ALKBH3: variants seen among roughly 807,000 people sequenced by gnomAD.
ALKBH3 encodes alkB homolog 3, alpha-ketoglutarate dependent dioxygenase.
In ALKBH3, 51 loss-of-function variants were observed where a neutral mutation model predicts 43.9. The ratio of observed to expected loss-of-function variants is 1.16; its 90% CI spans 0.93 to 1.47. The LOEUF is 1.47. Ranked by LOEUF, ALKBH3 falls within the 40% of genes most tolerant of loss-of-function variation. The pLI is 0.00. For missense variants in ALKBH3, 361 were observed against 351.9 expected (o/e 1.03, Z -0.21); for synonymous variants, 102 against 115.2 (o/e 0.89, Z 0.73).
At chr11:43,901,107 G>C (rs1951860559) in intron 7 of ALKBH3, among the ~76,000 whole-genome samples, 1 of 152,178 alleles carries the variant, frequency 6.6e-6, no homozygotes, top group Non-Finnish European at 1.5e-5. Context: ...GCTTCAGTCT[G>C]GGTCTGCTGA....
chr11:43,884,167 A>C, intron 4 of ALKBH3, 150 bp downstream of exon 4: 2 of 949,494 alleles, frequency 2.1e-6, no homozygotes, highest in Non-Finnish European at 3.2e-6. Context: ...ATGTCTTTAA[A>C]CTTGATCTTT....
chr11:43,906,479 C>A (rs927726166), intron 8 of ALKBH3, among the ~76,000 whole-genome samples: 1 of 152,156 alleles, frequency 6.6e-6, no homozygotes, highest in Non-Finnish European at 1.5e-5. Context: ...CCAGCAGCCC[C>A]GCTGCTGCTA....
At chr11:43,918,968 C>A in intron 8 of ALKBH3, 70 bp from the exon 9 acceptor site, 3 of 1,241,144 alleles carry the variant, frequency 2.4e-6, no homozygotes, top group Non-Finnish European at 2.3e-6. Context: ...TTTTTTTTGA[C>A]CTCTGTCAGG....
At chr11:43,918,847 A>G in intron 8 of ALKBH3, 191 bp from the exon 9 acceptor site, 1 of 538,720 alleles carries the variant, frequency 1.9e-6, no homozygotes, top group Non-Finnish European at 3.3e-6. Context: ...CATTTTACAA[A>G]TGAGTAAGTC....
chr11:43,887,305 T>C (rs1951753057), intron 5 of ALKBH3, among the ~76,000 whole-genome samples: 2 of 152,082 alleles, frequency 1.3e-5, no homozygotes, highest in South Asian at 4.1e-4. Flanking sequence ...CCTAGGAAGA[T>C]TGAATATTTT....
intron 9 of ALKBH3, among the ~76,000 whole-genome samples, 184 bp downstream of exon 9, chr11:43,919,320 C>T (rs1461247716): frequency 6.6e-6 from 1 of 152,142 alleles, no homozygotes; most frequent in East Asian, 1.9e-4. Context: ...CTAGTGTGTC[C>T]GGTAGAACTT....
intron 1 of ALKBH3, among the ~76,000 whole-genome samples, chr11:43,881,787 A>C (rs972399832): frequency 8.5e-5 from 13 of 152,222 alleles, no homozygotes; most frequent in African/African-American, 2.9e-4. Flanking sequence ...TGAGGTGTGA[A>C]GCTTTCTTAG....
intron 8 of ALKBH3, among the ~76,000 whole-genome samples, chr11:43,915,504 C>G (rs900232551): frequency 3.9e-5 from 6 of 152,118 alleles, no homozygotes; most frequent in African/African-American, 1.4e-4. Context: ...CAAAAATCTG[C>G]TTGCAGCAGC....
rs1952005689 is a variant in ALKBH3 at position 43,919,029 on chromosome 11, G to A, written c.670-9G>A. 1.3e-6 allele frequency: 2 copies of A among 1,593,148 alleles called. No individual in the cohort carries two copies. The highest frequency in any genetic ancestry group is 1.7e-6 in the Non-Finnish European group (2 of 1,161,300). On this transcript the variant is annotated splice_polypyrimidine_tract_variant and intron_variant, in intron 8 of 9. Coordinates refer to ENST00000302708, the MANE Select transcript of ALKBH3 (RefSeq NM_139178.4). ...CAAAACATTTATTACAACAAATGCT[G>A]TTTTCTAGGAAGAGAATGGAGACTA...
chr11:43,895,501 T>G (rs772442027), intron 7 of ALKBH3, among the ~76,000 whole-genome samples: 1 of 152,190 alleles, frequency 6.6e-6, no homozygotes, highest in African/African-American at 2.4e-5. Flanking sequence ...ATTGAACCTC[T>G]TTTTGTTGGT....
chr11:43,897,570 A>G (rs749083050), intron 7 of ALKBH3: 4 of 787,244 alleles, frequency 5.1e-6, no homozygotes, highest in Non-Finnish European at 2.3e-6. Flanking sequence ...ATTCATGGGC[A>G]GTGACACTGT....
intron 3 of ALKBH3, 132 bp from the exon 4 acceptor site, chr11:43,883,851 G>A (rs1951730391): frequency 9.8e-7 from 1 of 1,021,970 alleles, no homozygotes; most frequent in Non-Finnish European, 1.5e-6. Flanking sequence ...TCTCTAGTGG[G>A]TTAGTGAGAA....
intron 6 of ALKBH3, among the ~76,000 whole-genome samples, chr11:43,891,701 C>T (rs527897731): frequency 1.1e-3 from 171 of 152,302 alleles, no homozygotes; most frequent in Middle Eastern, 6.8e-3. Flanking sequence ...GGTTCAGTCT[C>T]CATATTCTGC....
chr11:43,918,436 T>G (rs1388653940), intron 8 of ALKBH3, among the ~76,000 whole-genome samples: 1 of 152,238 alleles, frequency 6.6e-6, no homozygotes, highest in Non-Finnish European at 1.5e-5. Flanking sequence ...GAGCTCCCTT[T>G]GAGAAAATCT....
At chr11:43,885,447 A>T (rs563221591) in intron 4 of ALKBH3, among the ~76,000 whole-genome samples, 1 of 152,334 alleles carries the variant, frequency 6.6e-6, no homozygotes, top group African/African-American at 2.4e-5. Context: ...GCACTCATAC[A>T]TCTACTTAAA....
rs150153559 is a variant in ALKBH3, at chr11:43,905,027, A to G, written c.669+3302A>G. Among the ~76,000 whole-genome samples, 400 of 152,252 alleles carry G rather than the reference A, an allele frequency of 2.6e-3. 2 individuals are homozygous for G. Among genetic ancestry groups the G allele is most frequent in the Non-Finnish European group, 4.3e-3 (295 of 68,028 alleles). On this transcript the variant is annotated intron_variant, in intron 8 of 9. Transcript: ENST00000302708. ...CCCATCGGAGGAGAAGTTAATGCCT[A>G]TTTGACTTGAGTCACAGTTTCGCAT...
At chr11:43,883,253 T>A in intron 3 of ALKBH3, 65 bp downstream of exon 3, 1 of 1,122,768 alleles carries the variant, frequency 8.9e-7, no homozygotes, top group Non-Finnish European at 1.3e-6. Context: ...ATTCACACAG[T>A]AGACACTCAA....
intron 4 of ALKBH3, among the ~76,000 whole-genome samples, chr11:43,884,634 A>G (rs1376685862): frequency 6.6e-6 from 1 of 152,224 alleles, no homozygotes; most frequent in Non-Finnish European, 1.5e-5. Flanking sequence ...ATCTTAGCAA[A>G]TTAGCATCAG....
chr11:43,886,640 A>C lies in ALKBH3; in HGVS notation c.253A>C (p.Thr85Pro), dbSNP rs891595863. ...TGTGTATGAAATCAGCCTGTCACCC[A>C]CAGGTGTATCTAGGTAAGCAAATCC... ...EGVYEISLSP[T>P]GVSRVCLYPG... The change falls in exon 5 of 10, where the codon ACA becomes CCA. Residue 85 changes from threonine (T) to proline (P), a missense_variant. Physicochemically the swap from Thr to Pro is conservative, Grantham distance 38. Coordinates refer to ENST00000302708, the MANE Select transcript of ALKBH3 (RefSeq NM_139178.4). 11 of 1,614,004 alleles carry C rather than the reference A, an allele frequency of 6.8e-6. No individual in the cohort carries two copies. In the African/African-American group the frequency reaches 1.3e-4, roughly 20 times the overall value.
Sources: gnomAD v4.1 joint callset for allele counts (sites outside exome capture counted in the v4.1 genomes callset) on GRCh38, gnomAD v4.1.1 for gene constraint, MANE v1.5 for transcripts, NCBI Gene and HGNC (gene_info 2026-07-23, HGNC 2026-07-21) for gene names.